Variants in EPB41 observed in about 807,000 individuals in gnomAD.
The protein encoded by EPB41 is protein 4.1.
In EPB41, 65 loss-of-function variants were observed where a neutral mutation model predicts 108.0. That is an observed-to-expected ratio of 0.60 (90% confidence interval 0.49 to 0.74). EPB41 has a LOEUF of 0.74. Ranked by LOEUF, EPB41 falls within the 30% of genes least tolerant of loss-of-function variation. The pLI is 0.00. For missense variants in EPB41, 875 were observed against 1,037.0 expected (o/e 0.84, Z 2.15); for synonymous variants, 336 against 358.9 (o/e 0.94, Z 0.72).
intron 8 of EPB41, 128 bp downstream of exon 8, chr1:29,030,615 C>T: frequency 2.6e-6 from 2 of 778,082 alleles, no homozygotes; most frequent in South Asian, 3.1e-5. Flanking sequence ...TTAAAACATT[C>T]AAAAGAGATA....
intron 1 of EPB41, chr1:28,889,824 A>G (rs897641195): frequency 2.0e-6 from 2 of 985,184 alleles, no homozygotes; most frequent in African/African-American, 3.5e-5. Context: ...TTTCTTGAGC[A>G]CGTACTGTGC....
intron 10 of EPB41, among the ~76,000 whole-genome samples, chr1:29,037,143 A>C (rs1425320322): frequency 6.6e-6 from 1 of 152,044 alleles, no homozygotes; most frequent in African/African-American, 2.4e-5. Flanking sequence ...GCCAGGCTGG[A>C]GTGCAGTCTG....
chr1:28,902,230 C>T (rs2091387869), intron 1 of EPB41: 2 of 985,276 alleles, frequency 2.0e-6, no homozygotes, highest in South Asian at 4.7e-5. Flanking sequence ...TGGGTCAACC[C>T]TGAGGCTCTT....
intron 1 of EPB41, among the ~76,000 whole-genome samples, chr1:28,923,372 G>A (rs1349996086): frequency 1.3e-5 from 2 of 152,076 alleles, no homozygotes; most frequent in Non-Finnish European, 2.9e-5. Context: ...TGGGATTAGA[G>A]GTGTGAGCCA....
intron 11 of EPB41, among the ~76,000 whole-genome samples, chr1:29,049,420 G>C (rs1020800912): frequency 7.9e-5 from 12 of 152,144 alleles, no homozygotes; most frequent in Non-Finnish European, 1.6e-4. Context: ...TTCTTGCCAG[G>C]GGTGTACATC....
intron 16 of EPB41, chr1:29,070,620 A>T: frequency 8.1e-7 from 1 of 1,232,126 alleles, no homozygotes. Flanking sequence ...CTGTGATCAG[A>T]AAACAGGGTG....
upstream of EPB41, among the ~76,000 whole-genome samples, chr1:28,911,618 C>T (rs2092261355): frequency 6.6e-6 from 1 of 152,204 alleles, no homozygotes; most frequent in Admixed American, 6.5e-5. Flanking sequence ...CTTCTATACT[C>T]ATCCTTCAAG....
intron 1 of EPB41, among the ~76,000 whole-genome samples, chr1:28,957,026 C>T (rs1430500419): frequency 6.6e-6 from 1 of 152,204 alleles, no homozygotes; most frequent in Admixed American, 6.5e-5. Context: ...TTAAAAAAGA[C>T]TAGATTGCAT....
intron 2 of EPB41, among the ~76,000 whole-genome samples, chr1:28,992,688 CA>C (rs199997520): frequency 0.024 from 3,563 of 150,746 alleles, 157 homozygotes; most frequent in African/African-American, 0.082. Context: ...GACTCCGTCT[CA>C]AAAAAAAATG....
At chr1:28,960,127 C>T (rs1276790389) in intron 1 of EPB41, among the ~76,000 whole-genome samples, 1 of 151,510 alleles carries the variant, frequency 6.6e-6, no homozygotes, top group East Asian at 1.9e-4. Flanking sequence ...CTCAGCCTCC[C>T]AGAAGCGGAG....
At chr1:29,080,134 T>TTATTTA (rs1319449595) in intron 16 of EPB41, among the ~76,000 whole-genome samples, 1 of 150,338 alleles carries the variant, frequency 6.7e-6, no homozygotes, top group Non-Finnish European at 1.5e-5. Flanking sequence ...ATTTATTTAT[T>TTATTTA]TTGAGACGGA....
chr1:28,958,213 G>C (rs1382013124), intron 1 of EPB41, among the ~76,000 whole-genome samples: 1 of 152,132 alleles, frequency 6.6e-6, no homozygotes, highest in African/African-American at 2.4e-5. Flanking sequence ...AATGAGCCAG[G>C]CATGGTGGCT....
intron 1 of EPB41, among the ~76,000 whole-genome samples, chr1:28,915,747 T>G (rs1390138712): frequency 6.7e-6 from 1 of 149,524 alleles, no homozygotes; most frequent in Admixed American, 6.7e-5. Flanking sequence ...TTTTTTTTTT[T>G]TTTTGTAGTC....
At chr1:28,890,460 C>T (rs190879733) in intron 1 of EPB41, among the ~76,000 whole-genome samples, 2 of 152,250 alleles carry the variant, frequency 1.3e-5, no homozygotes, top group African/African-American at 4.8e-5. Context: ...AGTCTAAAGT[C>T]TCTACGGGTC....
intron 11 of EPB41, among the ~76,000 whole-genome samples, chr1:29,043,878 G>C (rs1317674348): frequency 2.6e-5 from 4 of 152,174 alleles, no homozygotes; most frequent in Non-Finnish European, 4.4e-5. Flanking sequence ...AGTAGTCAGG[G>C]ATACATTTGG....
intron 1 of EPB41, among the ~76,000 whole-genome samples, chr1:28,959,152 CTA>C (rs2095089733): frequency 6.8e-6 from 1 of 147,454 alleles, no homozygotes; most frequent in South Asian, 2.1e-4. Context: ...AGCTGGGGTG[CTA>C]TGGGAAAGGA....
At position 29,116,481 on chromosome 1, in the gene EPB41, T is replaced by C. The variant is rs1290461169; in HGVS notation, c.*7-338T>C. 2.6e-5 allele frequency among the ~76,000 whole-genome samples: 4 copies of C among 151,924 alleles called. No homozygotes were observed. The East Asian group carries it at 7.7e-4, about 29-fold the overall frequency. On this transcript the variant is annotated intron_variant, in intron 20 of 20. Transcript: ENST00000343067. ...TCACAGGTATCTTTGAGCCAGAACCTGGGAAAGCCAGAGGAGAAAAAACCA... is the reference window on the plus strand; with the variant it reads ...TCACAGGTATCTTTGAGCCAGAACCCGGGAAAGCCAGAGGAGAAAAAACCA...
intron 1 of EPB41, among the ~76,000 whole-genome samples, chr1:28,965,447 A>G (rs1413616692): frequency 6.6e-6 from 1 of 152,172 alleles, no homozygotes; most frequent in Non-Finnish European, 1.5e-5. Context: ...TAAGAGAATA[A>G]GGTGTAAGTC....
Position 29,021,296 on chromosome 1 carries a change from G to A in EPB41, c.1124+2854G>A, listed in dbSNP as rs559937213. Among the ~76,000 whole-genome samples, 3 of 152,216 alleles carry A rather than the reference G, an allele frequency of 2.0e-5. No homozygotes were observed. The South Asian group carries it at 6.2e-4, about 32-fold the overall frequency. On this transcript the variant is annotated intron_variant, in intron 7 of 20. Coordinates refer to ENST00000343067, the MANE Select transcript of EPB41 (RefSeq NM_001376013.1). Reference sequence around the variant, plus strand: ...TTTTCACTCTGTTGAAATGGGTGGGGCACAAATCAAGGCAGTTGGAGCAAA... The same window carrying A: ...TTTTCACTCTGTTGAAATGGGTGGGACACAAATCAAGGCAGTTGGAGCAAA...
Sources: allele counts gnomAD v4.1 joint callset (sites outside exome capture counted in the v4.1 genomes callset), GRCh38; gene constraint gnomAD v4.1.1; transcripts MANE v1.5; gene names NCBI Gene and HGNC (gene_info 2026-07-23, HGNC 2026-07-21).